ENO2: variants seen among roughly 807,000 people sequenced by gnomAD.
ENO2 encodes gamma-enolase.
ENO2 carries 19 observed loss-of-function variants against 48.7 expected under a neutral mutation model. The observed-to-expected ratio is 0.39, with a 90% CI of 0.27 to 0.57. The LOEUF (loss-of-function observed/expected upper bound fraction) is 0.57, where lower values mean the gene tolerates loss of function less well. ENO2 is among the 20% of genes least tolerant of loss of function. The pLI, the probability that ENO2 is intolerant of heterozygous loss-of-function variation, is 0.58. For missense variants in ENO2, 416 were observed against 555.0 expected (o/e 0.75, Z 2.52); for synonymous variants, 198 against 213.4 (o/e 0.93, Z 0.63).
In ENO2 at chr12:6,917,995, A is replaced by G; in HGVS notation, c.500A>G (p.Glu167Gly). Residue 167 changes from glutamate (E) to glycine (G), a missense_variant, in exon 7 of 12, where the codon GAG (glutamate) becomes GGG (glycine). Glu to Gly is a moderately conservative substitution (Grantham distance 98, BLOSUM62 -2). Transcript: ENST00000229277. ...GCTGGCAACAAGCTGGCCATGCAGG[A>G]GTTCATGATCCTCCCAGTGGGAGCT... is the stretch of plus-strand genomic sequence containing the variant. ...SHAGNKLAMQ[E>G]FMILPVGAES... 1 of 1,614,162 alleles carries G rather than the reference A, an allele frequency of 6.2e-7. No homozygotes were observed. Among genetic ancestry groups the G allele is most frequent in the Non-Finnish European group, 8.5e-7 (1 of 1,180,022 alleles).
Position 6,916,064 on chromosome 12 carries a change from C to T in ENO2, c.85+147C>T. ...AAGCCTGGGTTGTGGCGGTTGGATC[C>T]TCCTTGTCCGGGGAGCCAGGGTAGG... On this transcript the variant is annotated intron_variant, in intron 2 of 11. Transcript: ENST00000229277. This position sits in a 1 kb window ranked among gnomAD's most constrained non-coding sequence, Gnocchi z 4.5. 1 of 814,178 alleles carries T rather than the reference C, an allele frequency of 1.2e-6. No individual in the cohort carries two copies. The highest frequency in any genetic ancestry group is 2.0e-6 in the Non-Finnish European group (1 of 509,994). The allele number at this position is 814,178 out of a possible 1,614,324, so 50.4% of individuals were successfully genotyped here.
intron 8 of ENO2, 112 bp downstream of exon 8, chr12:6,919,875 GA>G: frequency 1.7e-6 from 2 of 1,155,282 alleles, no homozygotes; most frequent in Non-Finnish European, 2.4e-6. Context: ...GTCCTAAGAA[GA>G]ACCTGAGAAC....
chr12:6,916,834 G>C lies in ENO2; in HGVS notation c.240+105G>C. The stretch of plus-strand genomic sequence containing the variant: ...AAGAAGGCCCACTCTTAGGAATCAT[G>C]GTTACAAGGGGGAAGGGTGGGGAAC... On this transcript the variant is annotated intron_variant, in intron 4 of 11. Transcript: ENST00000229277. The surrounding 1 kb of genome is among the most constrained non-coding windows in gnomAD (Gnocchi z 4.5). The C allele has an allele frequency of 6.7e-7, 1 of 1,494,152 alleles. No individual in the cohort carries two copies. Among genetic ancestry groups the C allele is most frequent in the East Asian group, 2.3e-5 (1 of 43,372 alleles). 92.6% of individuals were successfully genotyped at this position (1,494,152 alleles called of 1,614,324 possible). A position where few individuals can be genotyped will look rare whatever the true frequency, so the allele number is the denominator to read the frequency against.
At position 6,921,695 on chromosome 12, in the gene ENO2, G is replaced by A. The variant is rs373556957; in HGVS notation, c.980G>A (p.Arg327His). ...GDDLTVTNPK[R>H]IERAVEEKAC... ...GACCTGACAGTGACCAACCCAAAACGTATTGAGCGGGCAGTGGAAGAAAAG... is the reference window on the plus strand; with the variant it reads ...GACCTGACAGTGACCAACCCAAAACATATTGAGCGGGCAGTGGAAGAAAAG... The change falls in exon 9 of 12, where the codon CGT becomes CAT. Residue 327 changes from arginine (R) to histidine (H), a missense_variant. Transcript: ENST00000229277. 2.4e-5 allele frequency: 39 copies of A among 1,614,016 alleles called. No homozygotes were observed. The highest frequency in any genetic ancestry group is 2.9e-5 in the Non-Finnish European group (34 of 1,180,034).
chr12:6,921,672 C>T lies in ENO2; in HGVS notation c.957C>T (p.Asp319=), dbSNP rs369964960. The T allele has an allele frequency of 3.1e-6, 5 of 1,614,084 alleles. No homozygotes were observed. Among genetic ancestry groups the T allele is most frequent in the Non-Finnish European group, 4.2e-6 (5 of 1,180,034 alleles). ...TAGGGATCCAGATTGTGGGTGATGA[C>T]CTGACAGTGACCAACCCAAAACGTA... is the stretch of plus-strand genomic sequence containing the variant. ...ANVGIQIVGD[D]LTVTNPKRIE... is the part of the protein sequence containing the mutation. The change falls in exon 9 of 12, where the codon GAC becomes GAT. Residue 319 remains aspartate (D), a synonymous_variant. Coordinates refer to ENST00000229277, the MANE Select transcript of ENO2 (RefSeq NM_001975.3).
At chr12:6,917,547 A>T in intron 5 of ENO2, 34 bp from the exon 6 acceptor site, 1 of 1,597,940 alleles carries the variant, frequency 6.3e-7, no homozygotes, top group Non-Finnish European at 8.5e-7. Context: ...AGAAGGGGAC[A>T]TTGTGCTCAG....
At position 6,917,643 on chromosome 12, in the gene ENO2, G is replaced by A. The variant is rs1945303457; in HGVS notation, c.373G>A (p.Glu125Lys). The part of the protein sequence containing the change: ...SLAVCKAGAA[E>K]RELPLYRHIA... The stretch of plus-strand genomic sequence containing the variant: ...GGCCGTGTGTAAGGCAGGGGCAGCT[G>A]AGCGGGAACTGCCCCTGTATCGCCA... Residue 125 changes from glutamate to lysine, a missense_variant, in exon 6 of 12, where the codon GAG (glutamate) becomes AAG (lysine). Coordinates refer to ENST00000229277, the MANE Select transcript of ENO2 (RefSeq NM_001975.3). 6.2e-7 allele frequency: 1 copy of A among 1,613,840 alleles called. No individual in the cohort carries two copies. The highest frequency in any genetic ancestry group is 8.5e-7 in the Non-Finnish European group (1 of 1,179,934).
At position 6,923,189 on chromosome 12, in the gene ENO2, C is replaced by A. The variant is rs1228467942; in HGVS notation, c.*389C>A. The A allele has an allele frequency of 8.3e-6, 2 of 241,358 alleles. No homozygotes were observed. Among genetic ancestry groups the A allele is most frequent in the African/African-American group, 4.4e-5 (2 of 45,438 alleles). The allele number at this position is 241,358 out of a possible 1,614,324, so 15.0% of individuals were successfully genotyped here. A position where few individuals can be genotyped will look rare whatever the true frequency, so the allele number is the denominator to read the frequency against. ...TCACTTGTGCTTTGCTCTTGTCCCA[C>A]GTGTCTTCCACTTTGCATATGAGCC... On this transcript the variant is annotated 3_prime_UTR_variant, in exon 12 of 12. Transcript: ENST00000229277.
Position 6,916,286 on chromosome 12 carries a change from G to A in ENO2, c.86-131G>A. ...CTCAGTGTGTGTGTGGGGTGGGGGT[G>A]GGGGGATGTTAGGGAGCAGTGTGGG... On this transcript the variant is annotated intron_variant, in intron 2 of 11. Coordinates refer to ENST00000229277, the MANE Select transcript of ENO2 (RefSeq NM_001975.3). This position sits in a 1 kb window ranked among gnomAD's most constrained non-coding sequence, Gnocchi z 4.5. 1.3e-6 allele frequency: 1 copy of A among 777,230 alleles called. No homozygotes were observed. Among genetic ancestry groups the A allele is most frequent in the Admixed American group, 2.7e-5 (1 of 36,406 alleles). 48.1% of individuals were successfully genotyped at this position (777,230 alleles called of 1,614,324 possible). A position where few individuals can be genotyped will look rare whatever the true frequency, so the allele number is the denominator to read the frequency against.
Position 6,919,613 on chromosome 12 carries a change from A to G in ENO2, c.715A>G (p.Lys239Glu). Residue 239 changes from lysine (K) to glutamate (E), a missense_variant, in exon 8 of 12, where the codon AAG (lysine) becomes GAG (glutamate). Lys to Glu is a moderately conservative substitution (Grantham distance 56, BLOSUM62 1). Coordinates refer to ENST00000229277, the MANE Select transcript of ENO2 (RefSeq NM_001975.3). Reference sequence around the variant, plus strand: ...CATCGACAAGGCTGGCTACACGGAAAAGATCGTTATTGGCATGGATGTTGC... The same window carrying G: ...CATCGACAAGGCTGGCTACACGGAAGAGATCGTTATTGGCATGGATGTTGC... The part of the protein sequence containing the change: ...EAIDKAGYTE[K>E]IVIGMDVAAS... 1 of 1,614,140 alleles carries G rather than the reference A, an allele frequency of 6.2e-7. No individual in the cohort carries two copies. The highest frequency in any genetic ancestry group is 8.5e-7 in the Non-Finnish European group (1 of 1,180,030).
intron 8 of ENO2, 191 bp from the exon 9 acceptor site, chr12:6,921,390 C>CAA (rs59941048): frequency 4.7e-3 from 2,317 of 491,464 alleles, no homozygotes; most frequent in East Asian, 0.021. Flanking sequence ...GAGGCTCTGT[C>CAA]AAAAAAAAAA....
chr12:6,920,220 GT>G (rs782054800), intron 8 of ENO2, among the ~76,000 whole-genome samples: 5 of 152,140 alleles, frequency 3.3e-5, no homozygotes, highest in Non-Finnish European at 7.3e-5. Flanking sequence ...GATGGAGGCA[GT>G]TGGTCGCCAT....
chr12:6,921,210 A>G (rs1945337888), intron 8 of ENO2, among the ~76,000 whole-genome samples: 1 of 152,188 alleles, frequency 6.6e-6, no homozygotes, highest in Non-Finnish European at 1.5e-5. Flanking sequence ...GCCTGGCAAT[A>G]CAGTGAGACC....
chr12:6,916,953 G>A lies in ENO2; in HGVS notation c.241-85G>A. The A allele has an allele frequency of 6.3e-7, 1 of 1,584,432 alleles. No homozygotes were observed. The highest frequency in any genetic ancestry group is 1.1e-5 in the South Asian group (1 of 90,280). Reference sequence around the variant, plus strand: ...GGACCTGGTTGGACCCTGGCCAAATGTGAGCTTGGGTGTGAATGAGGGGAC... The same window carrying A: ...GGACCTGGTTGGACCCTGGCCAAATATGAGCTTGGGTGTGAATGAGGGGAC... On this transcript the variant is annotated intron_variant, in intron 4 of 11. Coordinates refer to ENST00000229277, the MANE Select transcript of ENO2 (RefSeq NM_001975.3). The surrounding 1 kb of genome is among the most constrained non-coding windows in gnomAD (Gnocchi z 4.5).
intron 8 of ENO2, 81 bp from the exon 9 acceptor site, chr12:6,921,500 A>G: frequency 1.4e-6 from 2 of 1,419,016 alleles, no homozygotes; most frequent in Non-Finnish European, 2.0e-6. Context: ...ATTTCAGGGA[A>G]TAAAGGGGCA....
At chr12:6,920,101 T>C (rs782443118) in intron 8 of ENO2, among the ~76,000 whole-genome samples, 2 of 151,980 alleles carry the variant, frequency 1.3e-5, no homozygotes, top group Non-Finnish European at 2.9e-5. Flanking sequence ...GTATCTTTGA[T>C]TGATGAAATT....
At position 6,916,728 on chromosome 12, in the gene ENO2, C is replaced by T. The variant is rs201822303; in HGVS notation, c.239C>T (p.Ser80Leu). The part of the protein sequence containing the change: ...NSTIAPALIS[S>L]GLSVVEQEKL... ...ACCATCGCGCCAGCCCTCATCAGCT[C>T]AGTGAGGCCTGCTCTTTGCTGGGGA... is the stretch of plus-strand genomic sequence containing the variant. The change falls in exon 4 of 12, where the codon TCA becomes TTA. Residue 80 changes from serine to leucine, a missense_variant and splice_region_variant. Ser to Leu is a moderately radical substitution (Grantham distance 145). Transcript: ENST00000229277. The surrounding 1 kb of genome is among the most constrained non-coding windows in gnomAD (Gnocchi z 4.5). 5 of 1,614,184 alleles carry T rather than the reference C, an allele frequency of 3.1e-6. No homozygotes were observed. The East Asian group carries it at 1.1e-4, about 36-fold the overall frequency.
intron 7 of ENO2, among the ~76,000 whole-genome samples, 184 bp downstream of exon 7, chr12:6,918,346 G>A (rs782593804): frequency 6.6e-6 from 1 of 150,798 alleles, no homozygotes; most frequent in Non-Finnish European, 1.5e-5. Flanking sequence ...AGACCTAGGG[G>A]GACAGTATTT....
In ENO2 at chr12:6,922,914, C is replaced by A; in HGVS notation, c.*114C>A. ...CCCCTGAGCCCCAGGGTGCCCAGAA[C>A]TTCCCTGATTGACCTGCTCCGCTGC... On this transcript the variant is annotated 3_prime_UTR_variant, in exon 12 of 12. Transcript: ENST00000229277. This position sits in a 1 kb window ranked among gnomAD's most constrained non-coding sequence, Gnocchi z 5.3. 8.6e-7 allele frequency: 1 copy of A among 1,162,632 alleles called. No individual in the cohort carries two copies. The highest frequency in any genetic ancestry group is 1.3e-6 in the Non-Finnish European group (1 of 790,294). 72.0% of individuals were successfully genotyped at this position (1,162,632 alleles called of 1,614,324 possible).
Sources: allele counts gnomAD v4.1 joint callset (sites outside exome capture counted in the v4.1 genomes callset), GRCh38; gene constraint gnomAD v4.1.1; non-coding constraint Gnocchi (gnomAD v3.1); transcripts MANE v1.5; gene names NCBI Gene and HGNC (gene_info 2026-07-23, HGNC 2026-07-21).